RNF17: variants seen among roughly 807,000 people sequenced by gnomAD.
RNF17 encodes spermatogenesis associated 23.
Under a neutral mutation model 200.5 loss-of-function variants are expected in RNF17, and 31 were observed. The ratio of observed to expected loss-of-function variants is 0.15; its 90% CI spans 0.12 to 0.21. The LOEUF (loss-of-function observed/expected upper bound fraction) is 0.21, where lower values mean the gene tolerates loss of function less well. Ranked by LOEUF, RNF17 falls within the 10% of genes least tolerant of loss-of-function variation. The pLI is 1.00. For missense variants in RNF17, 1,628 were observed against 1,905.1 expected (o/e 0.85, Z 2.71); for synonymous variants, 606 against 637.8 (o/e 0.95, Z 0.75).
the RNF17 span, among the ~76,000 whole-genome samples, chr13:24,757,993 T>G: frequency 6.6e-6 from 1 of 152,170 alleles, no homozygotes; most frequent in Admixed American, 6.5e-5. Flanking sequence ...CTGATAGTGT[T>G]CTCATGAGAT....
chr13:24,798,776 ATCT>A (rs957111879), intron 11 of RNF17, among the ~76,000 whole-genome samples: 1 of 151,528 alleles, frequency 6.6e-6, no homozygotes, highest in African/African-American at 2.4e-5. Flanking sequence ...TGTTTGTTTG[ATCT>A]TCTTTTTTCC....
At chr13:24,789,849 T>A (rs1883625780) in intron 9 of RNF17, 77 bp downstream of exon 9, 1 of 839,402 alleles carries the variant, frequency 1.2e-6, no homozygotes. Context: ...GAAGAATTGA[T>A]GTTTAGTGTA....
chr13:24,843,671 A>G, intron 19 of RNF17, 73 bp from the exon 20 acceptor site: 1 of 853,286 alleles, frequency 1.2e-6, no homozygotes, highest in Non-Finnish European at 1.9e-6. Flanking sequence ...ATCACAGTCA[A>G]GATACAGACC....
intron 15 of RNF17, among the ~76,000 whole-genome samples, chr13:24,815,414 G>C (rs1041808303): frequency 2.0e-5 from 3 of 147,568 alleles, no homozygotes; most frequent in African/African-American, 5.1e-5. Flanking sequence ...GAATTAATTT[G>C]GTAGCCCTAA....
chr13:24,874,269 G>A lies in RNF17; in HGVS notation c.4583+20G>A. The stretch of plus-strand genomic sequence containing the variant: ...AAACAGGTTAAAAATAAATGTCGGG[G>A]TGTTGAATTAGATTTCTTTTTTTTT... On this transcript the variant is annotated intron_variant, in intron 33 of 35. Coordinates refer to ENST00000255324, the MANE Select transcript of RNF17 (RefSeq NM_031277.3). 1 of 1,542,484 alleles carries A rather than the reference G, an allele frequency of 6.5e-7. No homozygotes were observed. The highest frequency in any genetic ancestry group is 8.7e-7 in the Non-Finnish European group (1 of 1,151,558).
intron 2 of RNF17, among the ~76,000 whole-genome samples, 165 bp downstream of exon 2, chr13:24,767,531 C>T (rs192201040): frequency 3.2e-4 from 49 of 152,224 alleles, no homozygotes; most frequent in African/African-American, 1.1e-3. Flanking sequence ...GGGCAGATCA[C>T]GAGATCAAGA....
intron 24 of RNF17, among the ~76,000 whole-genome samples, chr13:24,853,180 C>T (rs2138237369): frequency 6.6e-6 from 1 of 152,326 alleles, no homozygotes; most frequent in East Asian, 1.9e-4. Flanking sequence ...TCCCAAAGTG[C>T]TGGGATTATA....
Position 24,805,344 on chromosome 13 carries a change from AC to A in RNF17, c.2091+916del, listed in dbSNP as rs150478563. ...CAAACAAAAGCCCTGTACCTATTAA[AC>A]AATCACATACCATTTCTTCTCCCCT... On this transcript the variant is annotated intron_variant, in intron 15 of 35. Coordinates refer to ENST00000255324, the MANE Select transcript of RNF17 (RefSeq NM_031277.3). Among the ~76,000 whole-genome samples the A allele has an allele frequency of 9.4e-3, 1,424 of 152,284 alleles. 27 individuals carry two copies. Among genetic ancestry groups the A allele is most frequent in the African/African-American group, 0.033 (1,367 of 41,552 alleles).
At chr13:24,771,098 G>C (rs1015453438) in intron 2 of RNF17, among the ~76,000 whole-genome samples, 5 of 151,580 alleles carry the variant, frequency 3.3e-5, no homozygotes, top group African/African-American at 1.2e-4. Flanking sequence ...GCTCTTTTCA[G>C]ATCCTTTGGA....
chr13:24,761,128 C>T (rs986557368), upstream of RNF17, among the ~76,000 whole-genome samples: 4 of 152,124 alleles, frequency 2.6e-5, no homozygotes, highest in African/African-American at 7.2e-5. Flanking sequence ...TGTTGAAATA[C>T]GTCTATTCAA....
At chr13:24,820,125 T>TC (rs1448021656) in intron 15 of RNF17, among the ~76,000 whole-genome samples, 1 of 92,750 alleles carries the variant, frequency 1.1e-5, no homozygotes, top group African/African-American at 5.0e-5. Context: ...TTTTTTCTTT[T>TC]TTTTTTTTTT....
At chr13:24,768,868 T>C (rs1880198827) in intron 2 of RNF17, among the ~76,000 whole-genome samples, 1 of 152,090 alleles carries the variant, frequency 6.6e-6, no homozygotes, top group African/African-American at 2.4e-5. Context: ...ATGAACTGCC[T>C]TGCAAGTTAA....
chr13:24,752,288 C>A, the RNF17 span: 1 of 178,482 alleles, frequency 5.6e-6, no homozygotes, highest in Non-Finnish European at 1.2e-5. Context: ...AGGAGAGTCC[C>A]CACTTCCACA....
intron 15 of RNF17, among the ~76,000 whole-genome samples, chr13:24,817,197 T>G (rs2137887926): frequency 6.6e-6 from 1 of 152,286 alleles, no homozygotes; most frequent in Non-Finnish European, 1.5e-5. Flanking sequence ...GTGTTAATTC[T>G]TCTTTAAATG....
chr13:24,753,703 G>T, the RNF17 span, among the ~76,000 whole-genome samples: 3 of 152,200 alleles, frequency 2.0e-5, no homozygotes, highest in Non-Finnish European at 2.9e-5. Context: ...GGCCACTGTG[G>T]CTCTTAGCAG....
At chr13:24,841,978 T>C in intron 18 of RNF17, 63 bp from the exon 19 acceptor site, 4 of 1,389,556 alleles carry the variant, frequency 2.9e-6, no homozygotes, top group South Asian at 2.7e-5. Context: ...AAAAAAAAAA[T>C]TGCCTCATTT....
intron 20 of RNF17, 42 bp from the exon 21 acceptor site, chr13:24,844,610 T>A: frequency 1.4e-6 from 2 of 1,449,590 alleles, no homozygotes; most frequent in Non-Finnish European, 1.9e-6. Context: ...GAGAATTATA[T>A]AAGAAAAGGT....
At chr13:24,771,407 C>G (rs1030434735) in intron 2 of RNF17, among the ~76,000 whole-genome samples, 3 of 137,670 alleles carry the variant, frequency 2.2e-5, no homozygotes, top group Non-Finnish European at 4.6e-5. Context: ...GTTGCCCAGG[C>G]TGGTCACGCC....
chr13:24,791,622 T>C (rs1189402651), intron 9 of RNF17, among the ~76,000 whole-genome samples: 1 of 152,120 alleles, frequency 6.6e-6, no homozygotes, highest in African/African-American at 2.4e-5. Flanking sequence ...AGTTCTTTCA[T>C]TGTAGGTGGA....
Sources: gnomAD v4.1 joint callset for allele counts (sites outside exome capture counted in the v4.1 genomes callset) on GRCh38, gnomAD v4.1.1 for gene constraint, MANE v1.5 for transcripts, NCBI Gene and HGNC (gene_info 2026-07-23, HGNC 2026-07-21) for gene names.